MCTP2: variants seen among roughly 807,000 people sequenced by gnomAD.
MCTP2 encodes multiple C2 and transmembrane domain-containing protein 2.
Under a neutral mutation model 111.6 loss-of-function variants are expected in MCTP2, and 132 were observed. The observed-to-expected ratio is 1.18, with a 90% CI of 1.03 to 1.37. MCTP2 has a LOEUF of 1.37. Among genes scored for constraint, MCTP2 ranks in the 40% most tolerant of loss-of-function variants. The pLI is 0.00. For missense variants in MCTP2, 1,183 were observed against 1,067.9 expected (o/e 1.11, Z -1.50); for synonymous variants, 395 against 387.7 (o/e 1.02, Z -0.22).
At chr15:94,442,823 T>G (rs1186974682) in intron 18 of MCTP2, 96 bp from the exon 19 acceptor site, 23 of 1,000,668 alleles carry the variant, frequency 2.3e-5, no homozygotes, top group Non-Finnish European at 3.3e-5. Flanking sequence ...TATAAATGCT[T>G]GAAGTCTGTA....
chr15:94,362,813 T>A (rs2079005203), intron 10 of MCTP2, among the ~76,000 whole-genome samples: 1 of 152,304 alleles, frequency 6.6e-6, no homozygotes, highest in Admixed American at 6.5e-5. Flanking sequence ...ATGGTAAAAT[T>A]ATGTGTTGAA....
Position 94,340,810 on chromosome 15 carries a change from T to C in MCTP2, c.858-3T>C, listed in dbSNP as rs762259216. ...AGCATTATTTGTTGCTTTTTGCTTG[T>C]AGAACAACTGAACATATTTTAAAAC... is the stretch of plus-strand genomic sequence containing the variant. On this transcript the variant is annotated splice_region_variant and splice_polypyrimidine_tract_variant and intron_variant, in intron 6 of 22. Coordinates refer to ENST00000357742, the MANE Select transcript of MCTP2 (RefSeq NM_001385001.1). 1.3e-6 allele frequency: 2 copies of C among 1,592,300 alleles called. No individual in the cohort carries two copies. The highest frequency in any genetic ancestry group is 1.7e-6 in the Non-Finnish European group (2 of 1,161,386).
chr15:94,443,578 C>T (rs962162331), intron 19 of MCTP2, among the ~76,000 whole-genome samples: 2 of 152,116 alleles, frequency 1.3e-5, no homozygotes, highest in Non-Finnish European at 2.9e-5. Context: ...GGGATGGTAA[C>T]ATGTAGGAAG....
chr15:94,265,887 T>C (rs2073491963), intron 1 of MCTP2, among the ~76,000 whole-genome samples: 1 of 152,226 alleles, frequency 6.6e-6, no homozygotes, highest in Non-Finnish European at 1.5e-5. Context: ...GTCATCAACA[T>C]TTTTAATCAT....
chr15:94,285,731 A>G lies in MCTP2; in HGVS notation c.-65-12470A>G, dbSNP rs886325677. On this transcript the variant is annotated intron_variant, in intron 1 of 22. Coordinates refer to ENST00000357742, the MANE Select transcript of MCTP2 (RefSeq NM_001385001.1). ...TTCTCCAAACTTCTCCAAGCACACT[A>G]TATGAATTTGGAATGACTGAAAAAG... Among the ~76,000 whole-genome samples the G allele has an allele frequency of 1.3e-5, 2 of 152,164 alleles. 1 individual carries two copies. Among genetic ancestry groups the G allele is most frequent in the South Asian group, 4.1e-4 (2 of 4,830 alleles).
chr15:94,273,739 A>T (rs1408166121), intron 1 of MCTP2: 1 of 177,440 alleles, frequency 5.6e-6, no homozygotes, highest in East Asian at 1.5e-4. Context: ...AGGTGTATCC[A>T]TCATTTCCCA....
At position 94,340,897 on chromosome 15, in the gene MCTP2, G is replaced by A. The variant is rs375141812; in HGVS notation, c.942G>A (p.Val314=). 1 of 1,609,476 alleles carries A rather than the reference G, an allele frequency of 6.2e-7. No individual in the cohort carries two copies. Among genetic ancestry groups the A allele is most frequent in the Non-Finnish European group, 8.5e-7 (1 of 1,175,984 alleles). ...TGATCGTGTTAAATTTGAACCTAGT[G>A]GTAAAACAGGGTGATTTCAAGAGAC... ...MGVIVLNLNL[V]VKQGDFKRHR... Residue 314 remains valine (V), a synonymous_variant, in exon 7 of 23, where the codon GTG becomes GTA. Transcript: ENST00000357742.
chr15:94,374,719 A>T (rs1371056561), intron 12 of MCTP2, among the ~76,000 whole-genome samples: 1 of 152,030 alleles, frequency 6.6e-6, no homozygotes, highest in Non-Finnish European at 1.5e-5. Flanking sequence ...TCTGTTTCAC[A>T]CTCATGGCCC....
chr15:94,354,896 C>A (rs59278034), intron 8 of MCTP2, among the ~76,000 whole-genome samples: 10,300 of 152,112 alleles, frequency 0.068, 441 homozygotes, highest in African/African-American at 0.11. Flanking sequence ...GAAGATATAG[C>A]GAGCGATGAC....
intron 1 of MCTP2, among the ~76,000 whole-genome samples, chr15:94,291,439 C>A (rs2075025693): frequency 6.6e-6 from 1 of 152,030 alleles, no homozygotes; most frequent in Non-Finnish European, 1.5e-5. Flanking sequence ...CCTGTCTCTG[C>A]TAAAAATACA....
intron 16 of MCTP2, among the ~76,000 whole-genome samples, chr15:94,400,320 C>T (rs937662984): frequency 2.0e-5 from 3 of 152,216 alleles, no homozygotes; most frequent in South Asian, 2.1e-4. Flanking sequence ...CCTGCCTATC[C>T]GTCCTTTAAT....
intron 17 of MCTP2, among the ~76,000 whole-genome samples, chr15:94,439,603 A>C (rs1442668149): frequency 6.6e-6 from 1 of 152,206 alleles, no homozygotes; most frequent in African/African-American, 2.4e-5. Flanking sequence ...TTGCCTTTCT[A>C]TGTGAGGAGT....
intron 20 of MCTP2, among the ~76,000 whole-genome samples, chr15:94,464,079 A>T (rs2085374436): frequency 6.6e-6 from 1 of 151,110 alleles, no homozygotes; most frequent in Admixed American, 6.6e-5. Context: ...AACTCATAAT[A>T]CAAGGTCAGG....
At chr15:94,417,467 T>G (rs993536569) in intron 17 of MCTP2, among the ~76,000 whole-genome samples, 12 of 152,106 alleles carry the variant, frequency 7.9e-5, no homozygotes, top group African/African-American at 2.9e-4. Context: ...TGATTTGAAC[T>G]TTTATTTTGG....
intron 4 of MCTP2, among the ~76,000 whole-genome samples, chr15:94,328,512 G>A (rs1171780607): frequency 6.6e-6 from 1 of 152,148 alleles, no homozygotes; most frequent in African/African-American, 2.4e-5. Context: ...TGTCTGTAAA[G>A]TTGGTAAGAG....
At chr15:94,413,618 T>C (rs566512696) in intron 17 of MCTP2, among the ~76,000 whole-genome samples, 1 of 151,888 alleles carries the variant, frequency 6.6e-6, no homozygotes, top group South Asian at 2.1e-4. Flanking sequence ...CTTCATATCA[T>C]AGTATCAAAT....
At chr15:94,325,153 G>A (rs2076801684) in intron 4 of MCTP2, among the ~76,000 whole-genome samples, 1 of 152,032 alleles carries the variant, frequency 6.6e-6, no homozygotes, top group African/African-American at 2.4e-5. Context: ...CGTGGGCTTT[G>A]GACATGGACC....
intron 2 of MCTP2, among the ~76,000 whole-genome samples, chr15:94,308,603 A>G (rs761970826): frequency 2.0e-5 from 3 of 152,244 alleles, no homozygotes; most frequent in South Asian, 2.1e-4. Flanking sequence ...ACAAGCAACC[A>G]TTTTTTAAAG....
intron 1 of MCTP2, among the ~76,000 whole-genome samples, chr15:94,245,594 G>T (rs28708918): frequency 2.1e-5 from 3 of 140,108 alleles, no homozygotes; most frequent in South Asian, 2.2e-4. Context: ...GTACATATAC[G>T]TATATAGACA....
Sources: gnomAD v4.1 joint callset for allele counts (sites outside exome capture counted in the v4.1 genomes callset) on GRCh38, gnomAD v4.1.1 for gene constraint, MANE v1.5 for transcripts, NCBI Gene and HGNC (gene_info 2026-07-23, HGNC 2026-07-21) for gene names.